Variants in CELF2 observed in about 807,000 individuals in gnomAD.
CELF2 encodes the protein CUG triplet repeat RNA-binding protein 2.
In CELF2, 8 loss-of-function variants were observed where a neutral mutation model predicts 62.6. The ratio of observed to expected loss-of-function variants is 0.13; its 90% CI spans 0.07 to 0.23. CELF2 has a LOEUF of 0.23. CELF2 is among the 10% of genes least tolerant of loss of function. CELF2 has a pLI of 1.00. For synonymous variants in CELF2, 258 were observed against 250.0 expected, an observed-to-expected ratio of 1.03 and a Z score of -0.30; for missense variants, 333 against 671.0, an observed-to-expected ratio of 0.50 and a Z score of 5.56.
chr10:10,724,562 A>T, the CELF2 span, among the ~76,000 whole-genome samples: 2 of 150,618 alleles, frequency 1.3e-5, no homozygotes, highest in Non-Finnish European at 3.0e-5. Flanking sequence ...AGGCTGAGAC[A>T]GGAGAACCGC....
intron 1 of CELF2, among the ~76,000 whole-genome samples, chr10:11,120,508 A>G (rs934045462): frequency 3.3e-5 from 5 of 152,298 alleles, no homozygotes; most frequent in African/African-American, 1.2e-4. Flanking sequence ...CATGCCAACA[A>G]CCCACACCAT....
intron 1 of CELF2, among the ~76,000 whole-genome samples, chr10:10,811,360 G>C (rs9424098): frequency 0.14 from 21,207 of 152,164 alleles, 1,656 homozygotes; most frequent in Non-Finnish European, 0.19. Flanking sequence ...TGGAGGGCCA[G>C]AAAGCAGGAG....
intron 1 of CELF2, among the ~76,000 whole-genome samples, chr10:11,020,421 T>C (rs2058120123): frequency 6.6e-6 from 1 of 152,150 alleles, no homozygotes; most frequent in South Asian, 2.1e-4. Context: ...TATCTGGGGA[T>C]AGAGGTGTGT....
At chr10:10,532,884 C>T in the CELF2 span, among the ~76,000 whole-genome samples, 84 of 39,188 alleles carry the variant, frequency 2.1e-3, 3 homozygotes, top group East Asian at 0.042. Context: ...GAGACAAAAT[C>T]TCAAAAAAAA....
At chr10:11,170,815 ATG>A (rs2068632647) in intron 2 of CELF2, among the ~76,000 whole-genome samples, 1 of 152,194 alleles carries the variant, frequency 6.6e-6, no homozygotes, top group African/African-American at 2.4e-5. Flanking sequence ...CGCTCTCGTA[ATG>A]TGTTAGTTAA....
chr10:10,804,186 G>C (rs941392139), intron 1 of CELF2, among the ~76,000 whole-genome samples: 2 of 152,202 alleles, frequency 1.3e-5, no homozygotes, highest in Non-Finnish European at 2.9e-5. Context: ...TCTTCATCAA[G>C]GGCCAGATGA....
rs1308872763 is a variant in CELF2, at chr10:11,316,192, T to C, written c.1096+1934T>C. The stretch of plus-strand genomic sequence containing the variant: ...CAAGGACAACAGGCTTAAATTGTTT[T>C]GCTTTTTAAAATTCTTTGCCAATGG... On this transcript the variant is annotated intron_variant, in intron 10 of 12. Transcript: ENST00000633077. This position sits in a 1 kb window ranked among gnomAD's most constrained non-coding sequence, Gnocchi z 4.4. Among the ~76,000 whole-genome samples the C allele has an allele frequency of 2.0e-5, 3 of 152,248 alleles. No homozygotes were observed. The highest frequency in any genetic ancestry group is 6.5e-5 in the Admixed American group (1 of 15,292).
chr10:10,567,500 G>A, the CELF2 span, among the ~76,000 whole-genome samples: 1 of 152,104 alleles, frequency 6.6e-6, no homozygotes, highest in African/African-American at 2.4e-5. Flanking sequence ...GAATGGGGCG[G>A]GAAAATAAGC....
upstream of CELF2, among the ~76,000 whole-genome samples, chr10:10,795,186 C>T (rs1325672941): frequency 6.6e-6 from 1 of 150,498 alleles, no homozygotes; most frequent in East Asian, 1.9e-4. Flanking sequence ...AGTGACGAGA[C>T]TTGTTGCTGG....
At chr10:10,498,175 G>T in the CELF2 span, among the ~76,000 whole-genome samples, 1 of 152,182 alleles carries the variant, frequency 6.6e-6, no homozygotes, top group African/African-American at 2.4e-5. Context: ...GCCATGAATT[G>T]TGGGGAGGAA....
intron 1 of CELF2, among the ~76,000 whole-genome samples, chr10:10,805,815 C>G (rs1198801013): frequency 2.6e-5 from 4 of 152,154 alleles, no homozygotes; most frequent in African/African-American, 9.7e-5. Context: ...TTTGAACACT[C>G]TAAGTCCATT....
chr10:10,579,492 G>A, the CELF2 span, among the ~76,000 whole-genome samples: 1 of 152,100 alleles, frequency 6.6e-6, no homozygotes, highest in Non-Finnish European at 1.5e-5. Context: ...TCACTGAGCT[G>A]CATTTGTTAT....
the CELF2 span, among the ~76,000 whole-genome samples, chr10:10,645,760 T>C: frequency 6.6e-6 from 1 of 152,190 alleles, no homozygotes; most frequent in Non-Finnish European, 1.5e-5. Context: ...ACAAAGTGCC[T>C]GGTGGGGAAC....
chr10:11,028,284 C>G (rs1442519185), intron 1 of CELF2, among the ~76,000 whole-genome samples: 2 of 152,072 alleles, frequency 1.3e-5, no homozygotes, highest in Admixed American at 6.5e-5. Context: ...AAAAGCCCTT[C>G]TCTACACCAG....
At chr10:11,092,482 A>C (rs2048587029) in intron 1 of CELF2, 1 of 152,188 alleles carries the variant, frequency 6.6e-6, no homozygotes, top group Non-Finnish European at 1.5e-5. Context: ...AAGCAGATAG[A>C]TTTATTTAAC....
At chr10:11,004,003 T>G (rs1286645230), upstream of CELF2, among the ~76,000 whole-genome samples, 2 of 152,162 alleles carry the variant, frequency 1.3e-5, no homozygotes, top group African/African-American at 2.4e-5. This position sits in a 1 kb window ranked among gnomAD's most constrained non-coding sequence, Gnocchi z 5.0. Flanking sequence ...TCATGCAAGA[T>G]TTCTGTGCAG....
At chr10:11,281,276 A>G (rs1354545970) in intron 8 of CELF2, among the ~76,000 whole-genome samples, 2 of 152,156 alleles carry the variant, frequency 1.3e-5, no homozygotes, top group Non-Finnish European at 2.9e-5. Flanking sequence ...GAGTTTGTGG[A>G]GACCCTGAAC....
the CELF2 span, among the ~76,000 whole-genome samples, chr10:10,678,881 G>T: frequency 7.2e-5 from 11 of 152,114 alleles, no homozygotes; most frequent in Non-Finnish European, 1.3e-4. Context: ...CTGCTACAAT[G>T]AGGTCAAAAT....
intron 1 of CELF2, among the ~76,000 whole-genome samples, chr10:10,907,973 C>CA: frequency 6.6e-6 from 1 of 152,140 alleles, no homozygotes; most frequent in East Asian, 1.9e-4. Flanking sequence ...AGTGTTATTT[C>CA]AAATGGGTAA....
Sources: gnomAD v4.1 joint callset for allele counts (sites outside exome capture counted in the v4.1 genomes callset) on GRCh38, gnomAD v4.1.1 for gene constraint, Gnocchi (gnomAD v3.1) non-coding constraint, MANE v1.5 for transcripts, NCBI Gene and HGNC (gene_info 2026-07-23, HGNC 2026-07-21) for gene names.